Variants in SLIT1 observed in about 807,000 individuals in gnomAD.
SLIT1 encodes slit homolog 1 protein.
SLIT1 carries 66 observed loss-of-function variants against 186.1 expected under a neutral mutation model. The observed-to-expected ratio is 0.35, with a 90% CI of 0.29 to 0.44. The LOEUF (loss-of-function observed/expected upper bound fraction) is 0.44, where lower values mean the gene tolerates loss of function less well. SLIT1 is among the 20% of genes least tolerant of loss of function. SLIT1 has a pLI of 1.00. For missense variants in SLIT1, 1,638 were observed against 2,037.4 expected (o/e 0.80, Z 3.77); for synonymous variants, 761 against 833.8 (o/e 0.91, Z 1.50).
chr10:97,087,174 A>G (rs1039146690), intron 4 of SLIT1, among the ~76,000 whole-genome samples: 9 of 148,012 alleles, frequency 6.1e-5, no homozygotes, highest in Non-Finnish European at 1.0e-4. Flanking sequence ...CCCTGCCGCC[A>G]CCACCCCCCA....
chr10:97,030,628 G>C lies in SLIT1; in HGVS notation c.2582+129C>G, dbSNP rs780912986. The C allele has an allele frequency of 1.5e-4, 109 of 736,398 alleles. 1 individual carries two copies. The Middle Eastern group carries it at 4.9e-3, about 33-fold the overall frequency. 45.6% of individuals were successfully genotyped at this position (736,398 alleles called of 1,614,324 possible). A position where few individuals can be genotyped will look rare whatever the true frequency, so the allele number is the denominator to read the frequency against. ...TATAAGAGTCCCAGAAGGTGCACGTGGGAAGTTCCCAAGCTTAATTTCAGA... is the reference window on the plus strand; with the variant it reads ...TATAAGAGTCCCAGAAGGTGCACGTCGGAAGTTCCCAAGCTTAATTTCAGA... On this transcript the variant is annotated intron_variant, in intron 25 of 36. Transcript: ENST00000266058.
intron 34 of SLIT1, 124 bp from the exon 35 acceptor site, chr10:97,003,116 G>A (rs1848327222): frequency 3.2e-6 from 3 of 925,004 alleles, no homozygotes; most frequent in Non-Finnish European, 4.9e-6. Context: ...CTTCATCTCT[G>A]CAACCCTGAT....
chr10:97,180,491 G>A lies in SLIT1; in HGVS notation c.197+4987C>T, dbSNP rs150935435. ...TATCTCCCCTGCTGGACTAAAACTC[G>A]GGTTTCTGTTTCTGTCCAGCACTAT... is the stretch of plus-strand genomic sequence containing the variant. On this transcript the variant is annotated intron_variant, in intron 1 of 36. Coordinates refer to ENST00000266058, the MANE Select transcript of SLIT1 (RefSeq NM_003061.3). 3.2e-3 allele frequency among the ~76,000 whole-genome samples: 490 copies of A among 152,278 alleles called. 3 individuals carry two copies. Among genetic ancestry groups the A allele is most frequent in the African/African-American group, 0.011 (465 of 41,544 alleles).
chr10:97,079,869 A>T (rs756567656), intron 4 of SLIT1, among the ~76,000 whole-genome samples: 8 of 152,118 alleles, frequency 5.3e-5, no homozygotes, highest in Non-Finnish European at 1.0e-4. Context: ...CTGGGACAAG[A>T]CTTCCAGGTC....
At chr10:97,055,007 G>A (rs1160283567) in intron 13 of SLIT1, among the ~76,000 whole-genome samples, 1 of 152,136 alleles carries the variant, frequency 6.6e-6, no homozygotes, top group East Asian at 1.9e-4. Flanking sequence ...CACGAGGTCA[G>A]GAGTTTGAGA....
Position 97,069,146 on chromosome 10 carries a change from C to A in SLIT1, c.414-3060G>T, listed in dbSNP as rs932197386. 2.0e-5 allele frequency among the ~76,000 whole-genome samples: 3 copies of A among 152,318 alleles called. No individual in the cohort carries two copies. The East Asian group carries it at 5.8e-4, about 29-fold the overall frequency. On this transcript the variant is annotated intron_variant, in intron 4 of 36. Transcript: ENST00000266058. Reference sequence around the variant, plus strand: ...GCAGAGTGGGCTGGCAGGGAAATTACTGGATTTAGAGCAGGGCTGTACAGG... The same window carrying A: ...GCAGAGTGGGCTGGCAGGGAAATTAATGGATTTAGAGCAGGGCTGTACAGG...
chr10:97,065,229 G>C (rs1848934103), intron 5 of SLIT1, among the ~76,000 whole-genome samples: 1 of 152,162 alleles, frequency 6.6e-6, no homozygotes, highest in Non-Finnish European at 1.5e-5. Context: ...ACAAAGCAGT[G>C]ACATCCAGAG....
At chr10:97,091,777 C>T (rs1322105718) in intron 4 of SLIT1, among the ~76,000 whole-genome samples, 2 of 152,306 alleles carry the variant, frequency 1.3e-5, no homozygotes, top group African/African-American at 4.8e-5. Flanking sequence ...CGTAGGAGCA[C>T]AAACAGGGCT....
chr10:97,014,279 C>T, intron 28 of SLIT1, 121 bp from the exon 29 acceptor site: 2 of 1,158,686 alleles, frequency 1.7e-6, no homozygotes, highest in East Asian at 2.4e-5. Context: ...CAGGCCCTTG[C>T]CAGGTGCTGG....
At chr10:97,111,222 G>A (rs957400395) in intron 4 of SLIT1, among the ~76,000 whole-genome samples, 1 of 151,786 alleles carries the variant, frequency 6.6e-6, no homozygotes, top group Admixed American at 6.6e-5. Flanking sequence ...AAGAAAGAGG[G>A]CTGACCCTAA....
chr10:97,078,379 G>C (rs1445608315), intron 4 of SLIT1, among the ~76,000 whole-genome samples: 1 of 152,096 alleles, frequency 6.6e-6, no homozygotes, highest in Non-Finnish European at 1.5e-5. Context: ...ACCACCACCA[G>C]AGTTAATGTT....
intron 30 of SLIT1, among the ~76,000 whole-genome samples, chr10:97,012,380 A>G (rs1848419378): frequency 1.3e-5 from 2 of 152,220 alleles, no homozygotes; most frequent in Admixed American, 6.5e-5. Context: ...CTGGATATAT[A>G]TCTTGGGTTC....
chr10:97,059,319 A>G, intron 11 of SLIT1, 141 bp downstream of exon 11: 1 of 687,424 alleles, frequency 1.5e-6, no homozygotes, highest in Non-Finnish European at 2.6e-6. Context: ...AGGATGACCC[A>G]CTGAGGCTGG....
At chr10:97,030,902 C>A in intron 24 of SLIT1, 74 bp from the exon 25 acceptor site, 2 of 1,315,346 alleles carry the variant, frequency 1.5e-6, no homozygotes, top group Non-Finnish European at 2.2e-6. Context: ...AGAGGCCCAG[C>A]CCTCTGCAGA....
intron 13 of SLIT1, among the ~76,000 whole-genome samples, chr10:97,050,353 C>G (rs867456): frequency 0.97 from 146,936 of 152,262 alleles, 71,106 homozygotes; most frequent in East Asian, 1. Context: ...GCCCAGCTCA[C>G]CTCAGACCTT....
At chr10:97,013,921 A>T in intron 29 of SLIT1, 87 bp from the exon 30 acceptor site, 1 of 1,553,864 alleles carries the variant, frequency 6.4e-7, no homozygotes, top group Non-Finnish European at 8.7e-7. Flanking sequence ...CCTCCTGCAG[A>T]CACTGAGGCA....
intron 4 of SLIT1, among the ~76,000 whole-genome samples, chr10:97,084,013 C>G (rs954734629): frequency 6.6e-5 from 10 of 151,602 alleles, no homozygotes; most frequent in Non-Finnish European, 1.5e-4. Flanking sequence ...TGGCCCCAGT[C>G]TTCATCTAGT....
At chr10:97,064,138 C>T (rs1310260076) in intron 7 of SLIT1, 30 bp downstream of exon 7, 2 of 1,588,536 alleles carry the variant, frequency 1.3e-6, no homozygotes, top group Non-Finnish European at 1.7e-6. Context: ...GGCTTGGCTG[C>T]CCCGCTCCCA....
chr10:97,106,965 G>A lies in SLIT1; in HGVS notation c.414-40879C>T, dbSNP rs1188361049. 6.6e-5 allele frequency among the ~76,000 whole-genome samples: 10 copies of A among 152,386 alleles called. No homozygotes were observed. The South Asian group carries it at 8.3e-4, about 13-fold the overall frequency. ...ACCAGCGGAGGAGCAGCTGATAAAT[G>A]TCAAGGCACACAGTAATCCTGGGTA... is the stretch of plus-strand genomic sequence containing the variant. On this transcript the variant is annotated intron_variant, in intron 4 of 36. Coordinates refer to ENST00000266058, the MANE Select transcript of SLIT1 (RefSeq NM_003061.3).
Sources: gnomAD v4.1 joint callset for allele counts (sites outside exome capture counted in the v4.1 genomes callset) on GRCh38, gnomAD v4.1.1 for gene constraint, MANE v1.5 for transcripts, NCBI Gene and HGNC (gene_info 2026-07-23, HGNC 2026-07-21) for gene names.